The following PRKCH variants were observed in gnomAD, a reference collection of about 807,000 sequenced individuals.
PRKCH encodes protein kinase C eta.
In PRKCH, 28 loss-of-function variants were observed where a neutral mutation model predicts 82.5. The observed-to-expected ratio is 0.34, with a 90% CI of 0.25 to 0.47. PRKCH has a LOEUF of 0.47. PRKCH is among the 20% of genes least tolerant of loss of function. PRKCH has a pLI of 1.00. For synonymous variants in PRKCH, 322 were observed against 327.4 expected (o/e 0.98, Z 0.18); for missense variants, 705 against 881.8 (o/e 0.80, Z 2.54).
At chr14:61,228,237 C>A (rs1265014337) in intron 1 of PRKCH, among the ~76,000 whole-genome samples, 1 of 152,170 alleles carries the variant, frequency 6.6e-6, no homozygotes, top group Non-Finnish European at 1.5e-5. Flanking sequence ...TGAGTCCAGT[C>A]ATTTTTACAA....
intron 10 of PRKCH, among the ~76,000 whole-genome samples, chr14:61,514,517 G>T (rs2042793774): frequency 6.6e-6 from 1 of 151,988 alleles, no homozygotes; most frequent in African/African-American, 2.4e-5. Flanking sequence ...CAAGACAGGG[G>T]ACCTCTGCAG....
chr14:61,516,535 T>G (rs2042831776), intron 10 of PRKCH, among the ~76,000 whole-genome samples: 1 of 152,204 alleles, frequency 6.6e-6, no homozygotes, highest in Admixed American at 6.5e-5. Flanking sequence ...TGTCTCCACG[T>G]GTAAGTACTT....
chr14:61,525,688 G>C (rs2042956809), intron 10 of PRKCH: 1 of 152,258 alleles, frequency 6.6e-6, no homozygotes, highest in Non-Finnish European at 1.5e-5. Context: ...GTCAACGCTT[G>C]AGACCGTTTT....
chr14:61,254,648 T>G (rs758334084), intron 1 of PRKCH, among the ~76,000 whole-genome samples: 3 of 151,962 alleles, frequency 2.0e-5, no homozygotes, highest in Non-Finnish European at 4.4e-5. Flanking sequence ...CAAACAAACA[T>G]AAAAACCTAC....
chr14:61,426,742 G>T (rs1883129031), intron 2 of PRKCH, among the ~76,000 whole-genome samples: 1 of 152,178 alleles, frequency 6.6e-6, no homozygotes, highest in African/African-American at 2.4e-5. Flanking sequence ...TACAATTATA[G>T]TATAAAGTGC....
chr14:61,389,210 C>T (rs960196200), intron 1 of PRKCH, among the ~76,000 whole-genome samples: 36 of 152,118 alleles, frequency 2.4e-4, no homozygotes, highest in African/African-American at 7.5e-4. Flanking sequence ...CTAAGCCAGG[C>T]ATGATGGCAT....
chr14:61,202,176 G>A (rs2044486684), intron 1 of PRKCH, among the ~76,000 whole-genome samples: 1 of 152,208 alleles, frequency 6.6e-6, no homozygotes. Flanking sequence ...CCTAGCCCCA[G>A]TGGTCTTGGG....
chr14:61,386,378 G>GGAC (rs1448646632), intron 1 of PRKCH, among the ~76,000 whole-genome samples: 1 of 152,236 alleles, frequency 6.6e-6, no homozygotes, highest in Non-Finnish European at 1.5e-5. Context: ...AGCAGCTGGA[G>GGAC]GACAGTAGTC....
intron 10 of PRKCH, among the ~76,000 whole-genome samples, chr14:61,499,432 G>C (rs1378912075): frequency 6.6e-6 from 1 of 152,080 alleles, no homozygotes; most frequent in Admixed American, 6.6e-5. Context: ...CAGTGTCCTG[G>C]GGGTGTCTGG....
At chr14:61,376,069 G>A (rs183852507) in intron 1 of PRKCH, among the ~76,000 whole-genome samples, 20 of 151,706 alleles carry the variant, frequency 1.3e-4, no homozygotes, top group African/African-American at 4.8e-4. Context: ...TTCACAGTGT[G>A]GTGGGTGTGG....
chr14:61,510,145 G>T (rs1290161075), intron 10 of PRKCH, among the ~76,000 whole-genome samples: 1 of 152,172 alleles, frequency 6.6e-6, no homozygotes, highest in Non-Finnish European at 1.5e-5. Context: ...GCCTGGGAAG[G>T]AGCAGGGCAG....
Position 61,487,281 on chromosome 14 carries a change from A to T in PRKCH, c.1433+1625A>T, listed in dbSNP as rs76269868. 0.017 allele frequency among the ~76,000 whole-genome samples: 2,579 copies of T among 152,290 alleles called. 128 individuals carry two copies. In the East Asian group the frequency reaches 0.21, roughly 13 times the overall value. On this transcript the variant is annotated intron_variant, in intron 10 of 13. Coordinates refer to ENST00000332981, the MANE Select transcript of PRKCH (RefSeq NM_006255.5). Reference sequence around the variant, plus strand: ...TGCAGAACTGGGAACCAGCCTGGATAAGGACAGTGGGAGCCACCTGTTTGA... The same window carrying T: ...TGCAGAACTGGGAACCAGCCTGGATTAGGACAGTGGGAGCCACCTGTTTGA...
At chr14:61,367,045 T>A (rs929580932) in intron 1 of PRKCH, among the ~76,000 whole-genome samples, 4 of 152,090 alleles carry the variant, frequency 2.6e-5, no homozygotes, top group Admixed American at 6.5e-5. Flanking sequence ...TTCCTACATA[T>A]TCCATTGCTT....
intron 2 of PRKCH, among the ~76,000 whole-genome samples, chr14:61,434,309 C>T (rs77734031): frequency 6.6e-6 from 1 of 152,146 alleles, no homozygotes; most frequent in African/African-American, 2.4e-5. Context: ...TGGGGTTGCA[C>T]CTCCACATGA....
chr14:61,350,022 C>A (rs1398289021), intron 1 of PRKCH, among the ~76,000 whole-genome samples: 1 of 152,146 alleles, frequency 6.6e-6, no homozygotes, highest in East Asian at 1.9e-4. Flanking sequence ...GGCAGCCATA[C>A]AGAGAAATAT....
chr14:61,541,366 A>G (rs2043182660), intron 12 of PRKCH, among the ~76,000 whole-genome samples: 1 of 151,760 alleles, frequency 6.6e-6, no homozygotes, highest in African/African-American at 2.4e-5. Flanking sequence ...TGTGAACCGC[A>G]CTCTATTCTG....
intron 9 of PRKCH, among the ~76,000 whole-genome samples, chr14:61,478,441 T>C (rs955253699): frequency 5.3e-5 from 8 of 152,178 alleles, no homozygotes; most frequent in African/African-American, 1.9e-4. Context: ...ATAGCTTCTA[T>C]TGATTGAGAT....
At chr14:61,540,969 T>G (rs1449356228) in intron 12 of PRKCH, among the ~76,000 whole-genome samples, 1 of 152,244 alleles carries the variant, frequency 6.6e-6, no homozygotes, top group East Asian at 1.9e-4. Context: ...CTTTCCACCC[T>G]ACCAAGCCCC....
intron 2 of PRKCH, among the ~76,000 whole-genome samples, chr14:61,409,835 G>A (rs1882176492): frequency 6.6e-6 from 1 of 151,946 alleles, no homozygotes; most frequent in Non-Finnish European, 1.5e-5. Flanking sequence ...AGATTGAATG[G>A]TAAGAGCCAG....
Sources: gnomAD v4.1 joint callset for allele counts (sites outside exome capture counted in the v4.1 genomes callset) on GRCh38, gnomAD v4.1.1 for gene constraint, MANE v1.5 for transcripts, NCBI Gene and HGNC (gene_info 2026-07-23, HGNC 2026-07-21) for gene names.